Variants in RASA1 observed in about 807,000 individuals in gnomAD.
The protein encoded by RASA1 is RAS p21 protein activator 1.
In RASA1, 25 loss-of-function variants were observed where a neutral mutation model predicts 132.2. That is an observed-to-expected ratio of 0.19 (90% CI 0.14 to 0.26). The LOEUF is 0.26. Among genes scored for constraint, RASA1 ranks in the 10% least tolerant of loss-of-function variants. RASA1 has a pLI of 1.00. For synonymous variants in RASA1, 477 were observed against 449.9 expected (o/e 1.06, Z -0.76); for missense variants, 964 against 1,299.2 (o/e 0.74, Z 3.97).
intron 21 of RASA1, 145 bp downstream of exon 21, chr5:87,383,925 C>T: frequency 1.4e-6 from 1 of 724,824 alleles, no homozygotes; most frequent in Non-Finnish European, 2.3e-6. Context: ...AGCACCCTTC[C>T]TTCCTTGTGC....
chr5:87,304,643 T>A (rs1755525600), intron 1 of RASA1, among the ~76,000 whole-genome samples: 1 of 151,976 alleles, frequency 6.6e-6, no homozygotes, highest in African/African-American at 2.4e-5. Context: ...AATTTTTGTG[T>A]TTTTAGTAGA....
At chr5:87,310,384 A>T (rs1241847725) in intron 1 of RASA1, among the ~76,000 whole-genome samples, 1 of 152,202 alleles carries the variant, frequency 6.6e-6, no homozygotes, top group East Asian at 1.9e-4. Context: ...AATCTGAAAT[A>T]TGTCAATAGA....
In RASA1 at chr5:87,374,395, G is replaced by C. The variant is rs538595604; in HGVS notation, c.1934+75G>C. 9.7e-6 allele frequency: 13 copies of C among 1,335,948 alleles called. No individual in the cohort carries two copies. The South Asian group carries it at 1.6e-4, about 17-fold the overall frequency. The allele number at this position is 1,335,948 out of a possible 1,614,324, so 82.8% of individuals were successfully genotyped here. On this transcript the variant is annotated intron_variant, in intron 14 of 24. Transcript: ENST00000274376. The stretch of plus-strand genomic sequence containing the variant: ...ATTTCTTTCTGTTTTTTTGGTCTCT[G>C]TATCTAAACCATCAGAACAAGGTAC...
intron 1 of RASA1, among the ~76,000 whole-genome samples, chr5:87,319,457 C>T (rs1756611884): frequency 6.6e-6 from 1 of 152,220 alleles, no homozygotes; most frequent in African/African-American, 2.4e-5. Flanking sequence ...GCTCCCAAAC[C>T]TCTTCTCTTG....
chr5:87,268,177 G>A lies in RASA1; in HGVS notation c.-275G>A, dbSNP rs1373264218. The A allele has an allele frequency of 3.8e-6, 2 of 521,770 alleles. No individual in the cohort carries two copies. The highest frequency in any genetic ancestry group is 6.7e-6 in the Non-Finnish European group (2 of 297,784). 32.3% of individuals were successfully genotyped at this position (521,770 alleles called of 1,614,324 possible). A position where few individuals can be genotyped will look rare whatever the true frequency, so the allele number is the denominator to read the frequency against. On this transcript the variant is annotated 5_prime_UTR_variant, in exon 1 of 25. Coordinates refer to ENST00000274376, the MANE Select transcript of RASA1 (RefSeq NM_002890.3). ...TTCGCTTCTGTACATGTGTTTGTGT[G>A]CGTGAGTGTGGGTGTGTGCGGTGAG...
chr5:87,368,517 T>A (rs1046641185), intron 11 of RASA1, among the ~76,000 whole-genome samples: 1 of 152,196 alleles, frequency 6.6e-6, no homozygotes, highest in African/African-American at 2.4e-5. Flanking sequence ...TGAAAAACTA[T>A]GGAAACTAAT....
At chr5:87,324,942 T>C (rs1757112644) in intron 1 of RASA1, among the ~76,000 whole-genome samples, 1 of 152,196 alleles carries the variant, frequency 6.6e-6, no homozygotes, top group African/African-American at 2.4e-5. Context: ...AATCAGTTGC[T>C]TTTTTAATTT....
chr5:87,337,097 G>T (rs920574521), intron 4 of RASA1, among the ~76,000 whole-genome samples: 2 of 152,030 alleles, frequency 1.3e-5, no homozygotes, highest in African/African-American at 2.4e-5. Context: ...GACAAATACA[G>T]TTATAGATAC....
chr5:87,322,683 A>G (rs1033701509), intron 1 of RASA1, among the ~76,000 whole-genome samples: 4 of 152,208 alleles, frequency 2.6e-5, no homozygotes, highest in Non-Finnish European at 5.9e-5. Context: ...ATGAGCCGCA[A>G]TAAACCACTT....
chr5:87,367,702 G>C (rs183079470), intron 11 of RASA1, among the ~76,000 whole-genome samples: 18 of 152,234 alleles, frequency 1.2e-4, no homozygotes, highest in African/African-American at 4.1e-4. Flanking sequence ...TCTTTTCATA[G>C]CTGGATCTCA....
chr5:87,383,668 A>C, intron 20 of RASA1, 45 bp from the exon 21 acceptor site: 2 of 1,379,826 alleles, frequency 1.4e-6, no homozygotes, highest in Non-Finnish European at 2.0e-6. Flanking sequence ...CACATTATAT[A>C]GGTGTTTTCT....
chr5:87,376,800 A>C (rs1468607645), intron 16 of RASA1, 81 bp from the exon 17 acceptor site: 3 of 1,405,178 alleles, frequency 2.1e-6, no homozygotes, highest in African/African-American at 1.4e-5. Context: ...GAACTTGTGA[A>C]AGAACATATT....
chr5:87,380,806 T>C (rs981823784), intron 20 of RASA1, among the ~76,000 whole-genome samples: 1 of 152,166 alleles, frequency 6.6e-6, no homozygotes, highest in Non-Finnish European at 1.5e-5. Flanking sequence ...TGAACATTCA[T>C]TTATAGTCAA....
intron 20 of RASA1, among the ~76,000 whole-genome samples, chr5:87,381,857 G>A (rs531422746): frequency 1.3e-5 from 2 of 152,272 alleles, no homozygotes; most frequent in South Asian, 4.1e-4. Flanking sequence ...CCAAGGTTAG[G>A]TTTCAGGCTC....
chr5:87,278,198 A>G (rs910783446), intron 1 of RASA1, among the ~76,000 whole-genome samples: 2 of 151,968 alleles, frequency 1.3e-5, no homozygotes, highest in African/African-American at 4.8e-5. Flanking sequence ...CATTTCTCTA[A>G]TTTTTAAATC....
At chr5:87,360,008 A>G (rs746597411) in intron 9 of RASA1, among the ~76,000 whole-genome samples, 1 of 151,978 alleles carries the variant, frequency 6.6e-6, no homozygotes, top group South Asian at 2.1e-4. Flanking sequence ...AATAAGTTCT[A>G]TTTGTAATTA....
intron 1 of RASA1, among the ~76,000 whole-genome samples, chr5:87,270,666 TTTTTTTTTTTTTTTTTTG>T (rs1580181766): frequency 2.2e-5 from 3 of 134,966 alleles, no homozygotes; most frequent in Non-Finnish European, 1.6e-5. Flanking sequence ...TTTTTTTTTT[TTTTTTTTTTTTTTTTTTG>T]GATAAGCTTC....
At chr5:87,379,528 A>G (rs1157528713) in intron 18 of RASA1, among the ~76,000 whole-genome samples, 4 of 152,198 alleles carry the variant, frequency 2.6e-5, no homozygotes, top group African/African-American at 9.6e-5. Context: ...CAGTTGGCTA[A>G]TTGGGAATAA....
intron 12 of RASA1, among the ~76,000 whole-genome samples, chr5:87,371,379 C>A (rs1254857780): frequency 1.3e-5 from 2 of 151,972 alleles, no homozygotes; most frequent in Admixed American, 6.6e-5. Flanking sequence ...AAATAGCCAA[C>A]AAACTAAAGA....
Sources: gnomAD v4.1 joint callset for allele counts (sites outside exome capture counted in the v4.1 genomes callset) on GRCh38, gnomAD v4.1.1 for gene constraint, MANE v1.5 for transcripts, NCBI Gene and HGNC (gene_info 2026-07-23, HGNC 2026-07-21) for gene names.